MDN1: variants seen among roughly 807,000 people sequenced by gnomAD.
MDN1 encodes the protein midasin AAA ATPase 1, also known as midasin.
Under a neutral mutation model 669.2 loss-of-function variants are expected in MDN1, and 266 were observed. That is an observed-to-expected ratio of 0.40 (90% confidence interval 0.36 to 0.44). The LOEUF is 0.44. MDN1 is among the 20% of genes least tolerant of loss of function. The pLI is 1.00. For missense variants in MDN1, 5,940 were observed against 6,754.0 expected, an observed-to-expected ratio of 0.88 and a Z score of 4.22; for synonymous variants, 2,385 against 2,457.1, an observed-to-expected ratio of 0.97 and a Z score of 0.87.
chr6:89,794,003 A>G (rs1183191060), intron 4 of MDN1, 49 bp from the exon 5 acceptor site: 2 of 1,510,640 alleles, frequency 1.3e-6, no homozygotes, highest in East Asian at 2.3e-5. Context: ...CAGAAATGCT[A>G]TCGCAAGACC....
intron 59 of MDN1, among the ~76,000 whole-genome samples, 181 bp from the exon 60 acceptor site, chr6:89,696,755 A>G (rs1812778072): frequency 6.6e-6 from 1 of 152,216 alleles, no homozygotes; most frequent in Non-Finnish European, 1.5e-5. Context: ...AGTGGACTCC[A>G]TGCTCTAGGA....
chr6:89,777,473 A>C (rs1259284987), intron 11 of MDN1, among the ~76,000 whole-genome samples: 1 of 152,224 alleles, frequency 6.6e-6, no homozygotes, highest in Non-Finnish European at 1.5e-5. Context: ...CAAGGATGAT[A>C]ATAGTCCCTT....
chr6:89,711,914 TAGG>T lies in MDN1; in HGVS notation c.7651+119_7651+121del, dbSNP rs1425319347. 2.0e-5 allele frequency: 18 copies of T among 886,492 alleles called. No individual in the cohort carries two copies. The Admixed American group carries it at 4.2e-4, about 21-fold the overall frequency. 54.9% of individuals were successfully genotyped at this position (886,492 alleles called of 1,614,324 possible). On this transcript the variant is annotated intron_variant, in intron 49 of 101. Coordinates refer to ENST00000369393, the MANE Select transcript of MDN1 (RefSeq NM_014611.3). Reference sequence around the variant, plus strand: ...TAATGCTAGACCACAAATTTCTTCCTAGGAGACCTCCCAACTGTAATTTTAACA... The same window carrying T: ...TAATGCTAGACCACAAATTTCTTCCTAGACCTCCCAACTGTAATTTTAACA...
In MDN1 at chr6:89,751,546, C is replaced by T; in HGVS notation, c.3112G>A (p.Val1038Ile). The change falls in exon 23 of 102, where the codon GTT (valine) becomes ATT (isoleucine). Residue 1038 changes from valine to isoleucine, a missense_variant. Transcript: ENST00000369393. The part of the protein sequence containing the change: ...PEPKGGRLIQ[V>I]EGYWIAVGDK... ...CCCACCGCAATCCAGTAGCCTTCAA[C>T]CTGGATAAGCCGACCTCCTTTTGGC... 4 of 1,614,104 alleles carry T rather than the reference C, an allele frequency of 2.5e-6. No homozygotes were observed. Among genetic ancestry groups the T allele is most frequent in the Middle Eastern group, 1.7e-4 (1 of 6,058 alleles).
Position 89,694,213 on chromosome 6 carries a change from G to A in MDN1, c.9772-30C>T, listed in dbSNP as rs753940456. 9 of 1,563,362 alleles carry A rather than the reference G, an allele frequency of 5.8e-6. No individual in the cohort carries two copies. In the Admixed American group the frequency reaches 1.5e-4, roughly 26 times the overall value. Reference sequence around the variant, plus strand: ...TGGAAAAGAGAGAAGTTAGTCCACTGTGTCCCAGCTATGACCATGCACATG... The same window carrying A: ...TGGAAAAGAGAGAAGTTAGTCCACTATGTCCCAGCTATGACCATGCACATG... On this transcript the variant is annotated intron_variant, in intron 61 of 101. Transcript: ENST00000369393.
intron 12 of MDN1, among the ~76,000 whole-genome samples, chr6:89,775,363 C>G (rs139854070): frequency 6.6e-6 from 1 of 152,186 alleles, no homozygotes; most frequent in East Asian, 1.9e-4. Flanking sequence ...CATTTAAGTC[C>G]CTTTCAGTAG....
At chr6:89,782,678 C>T (rs185334021) in intron 9 of MDN1, among the ~76,000 whole-genome samples, 18 of 151,580 alleles carry the variant, frequency 1.2e-4, no homozygotes, top group South Asian at 6.3e-4. Context: ...TGGTGGCTCA[C>T]GCCTGTGATC....
intron 47 of MDN1, 109 bp downstream of exon 47, chr6:89,713,039 G>A: frequency 8.2e-7 from 1 of 1,214,842 alleles, no homozygotes; most frequent in South Asian, 1.5e-5. Context: ...GCAAACTGCA[G>A]TGGTCAACTC....
At chr6:89,807,479 TA>T (rs1768095452) in intron 1 of MDN1, among the ~76,000 whole-genome samples, 1 of 152,214 alleles carries the variant, frequency 6.6e-6, no homozygotes, top group African/African-American at 2.4e-5. Context: ...CCTCTACAAG[TA>T]AAGTGTCTTT....
chr6:89,706,311 T>A, intron 52 of MDN1, 119 bp from the exon 53 acceptor site: 1 of 1,112,664 alleles, frequency 9.0e-7, no homozygotes, highest in Non-Finnish European at 1.2e-6. Flanking sequence ...AAGGTCAATT[T>A]TGAGAGCAAA....
chr6:89,738,211 T>G, intron 33 of MDN1, 115 bp downstream of exon 33: 1 of 1,217,736 alleles, frequency 8.2e-7, no homozygotes, highest in Non-Finnish European at 1.1e-6. Flanking sequence ...CTATCTCCTT[T>G]CTTCTTATAA....
At chr6:89,717,910 AAAGTGGCACCAC>A (rs1173269529) in intron 43 of MDN1, among the ~76,000 whole-genome samples, 1 of 152,234 alleles carries the variant, frequency 6.6e-6, no homozygotes, top group Non-Finnish European at 1.5e-5. Flanking sequence ...CACCACTCTG[AAAGTGGCACCAC>A]AAAATGAGAG....
At chr6:89,799,445 G>T (rs1221305453) in intron 2 of MDN1, among the ~76,000 whole-genome samples, 1 of 152,278 alleles carries the variant, frequency 6.6e-6, no homozygotes, top group African/African-American at 2.4e-5. Flanking sequence ...AACACTGGGA[G>T]GCCGAGGCGG....
chr6:89,781,853 C>G (rs1005772306), intron 9 of MDN1, among the ~76,000 whole-genome samples: 2 of 152,060 alleles, frequency 1.3e-5, no homozygotes, highest in Non-Finnish European at 2.9e-5. Flanking sequence ...GGCACGGTGC[C>G]GTGTGCCTGT....
In MDN1 at chr6:89,748,208, C is replaced by T. The variant is rs188404475; in HGVS notation, c.3763-738G>A. 1.2e-3 allele frequency among the ~76,000 whole-genome samples: 185 copies of T among 152,146 alleles called. 2 individuals are homozygous for T. The highest frequency in any genetic ancestry group is 4.3e-3 in the African/African-American group (180 of 41,518). ...AAGCCTGGTGGTGCACGCCTATAGT[C>T]GCAGCTACTCAGGAGGCTGAGGCAG... On this transcript the variant is annotated intron_variant, in intron 26 of 101. Coordinates refer to ENST00000369393, the MANE Select transcript of MDN1 (RefSeq NM_014611.3).
intron 78 of MDN1, 87 bp downstream of exon 78, chr6:89,675,377 T>C: frequency 1.8e-6 from 2 of 1,089,728 alleles, no homozygotes; most frequent in Non-Finnish European, 2.7e-6. Flanking sequence ...GCATGTCTTA[T>C]TCCTCTCCCC....
At chr6:89,815,071 C>A in intron 1 of MDN1, 1 of 468,374 alleles carries the variant, frequency 2.1e-6, no homozygotes, top group East Asian at 5.0e-5. Flanking sequence ...GCAGTGTCTC[C>A]CCAACTCACA....
intron 6 of MDN1, 40 bp downstream of exon 6, chr6:89,790,119 A>G: frequency 6.2e-7 from 1 of 1,612,026 alleles, no homozygotes; most frequent in Non-Finnish European, 8.5e-7. Flanking sequence ...AAATATTTAC[A>G]AGCATGACAA....
At chr6:89,772,831 C>T in intron 13 of MDN1, 110 bp from the exon 14 acceptor site, 2 of 1,193,278 alleles carry the variant, frequency 1.7e-6, no homozygotes, top group African/African-American at 1.5e-5. Flanking sequence ...AAACAGCTCA[C>T]AGTAACTGTC....
Sources: gnomAD v4.1 joint callset for allele counts (sites outside exome capture counted in the v4.1 genomes callset) on GRCh38, gnomAD v4.1.1 for gene constraint, MANE v1.5 for transcripts, NCBI Gene and HGNC (gene_info 2026-07-23, HGNC 2026-07-21) for gene names.